KAZN: variants seen among roughly 807,000 people sequenced by gnomAD.
KAZN encodes kazrin.
In KAZN, 40 loss-of-function variants were observed where a neutral mutation model predicts 87.4. The observed-to-expected ratio is 0.46, with a 90% CI of 0.36 to 0.60. The LOEUF is 0.60. Among genes scored for constraint, KAZN ranks in the 20% least tolerant of loss-of-function variants. The pLI is 0.00. For missense variants in KAZN, 898 were observed against 1,073.9 expected (o/e 0.84, Z 2.29); for synonymous variants, 466 against 458.3 (o/e 1.02, Z -0.22).
chr1:14,049,461 T>C (rs1642217809), intron 1 of KAZN, among the ~76,000 whole-genome samples: 1 of 152,072 alleles, frequency 6.6e-6, no homozygotes, highest in Admixed American at 6.5e-5. Context: ...AAACTTAAAG[T>C]ATAATTAAAA....
At chr1:14,268,997 TA>T (rs1651713177) in intron 2 of KAZN, among the ~76,000 whole-genome samples, 1 of 152,228 alleles carries the variant, frequency 6.6e-6, no homozygotes, top group Non-Finnish European at 1.5e-5. Context: ...GAGTACAAAT[TA>T]CCAGATTTGC....
At chr1:14,700,334 T>C (rs1423258286) in intron 1 of KAZN, among the ~76,000 whole-genome samples, 1 of 152,036 alleles carries the variant, frequency 6.6e-6, no homozygotes, top group Non-Finnish European at 1.5e-5. Context: ...TAGTTGGCCA[T>C]GGTGGTGTGC....
intron 1 of KAZN, among the ~76,000 whole-genome samples, chr1:13,901,773 G>A (rs1207849249): frequency 6.6e-6 from 1 of 152,216 alleles, no homozygotes. Context: ...TGTTTGACAG[G>A]CATCTGAGTT....
chr1:14,777,180 T>C (rs1176456967), intron 1 of KAZN, among the ~76,000 whole-genome samples: 2 of 150,364 alleles, frequency 1.3e-5, no homozygotes, highest in African/African-American at 4.9e-5. Flanking sequence ...GTATTTTTAG[T>C]AGAGACGGGG....
At chr1:14,239,476 TTGAGGTGGAGTTTCACTCTTGTTGCCCAG>T (rs1648732352) in intron 2 of KAZN, among the ~76,000 whole-genome samples, 1 of 149,504 alleles carries the variant, frequency 6.7e-6, no homozygotes, top group African/African-American at 2.5e-5. Context: ...TTTTTTTTTT[TTGAGGTGGAGTTTCACTCTTGTTGCCCAG>T]GCTGGAGTGC....
intron 1 of KAZN, among the ~76,000 whole-genome samples, chr1:14,765,074 G>T (rs1455619132): frequency 2.6e-5 from 4 of 152,180 alleles, no homozygotes; most frequent in African/African-American, 4.8e-5. Context: ...CTCTCTCCAC[G>T]ATGCCGGGCT....
chr1:14,263,631 T>G (rs1651249802), intron 2 of KAZN, among the ~76,000 whole-genome samples: 1 of 151,638 alleles, frequency 6.6e-6, no homozygotes, highest in African/African-American at 2.4e-5. Context: ...GGAAAAAGTG[T>G]GGGAGCGGGG....
At chr1:13,906,524 G>A (rs980149045) in intron 1 of KAZN, among the ~76,000 whole-genome samples, 1 of 152,162 alleles carries the variant, frequency 6.6e-6, no homozygotes, top group African/African-American at 2.4e-5. Flanking sequence ...GGGCTGGACC[G>A]GCCCAGGTTT....
At chr1:15,000,511 G>C (rs1017166524) in intron 2 of KAZN, among the ~76,000 whole-genome samples, 42 of 151,812 alleles carry the variant, frequency 2.8e-4, no homozygotes, top group African/African-American at 1.0e-3. Flanking sequence ...GAGGCACCTC[G>C]GGGGGTACAG....
chr1:15,105,094 A>G (rs1246707349), intron 13 of KAZN, among the ~76,000 whole-genome samples: 2 of 152,266 alleles, frequency 1.3e-5, no homozygotes, highest in Admixed American at 6.5e-5. Context: ...CTGCATCTAT[A>G]TTTATAAGGG....
At chr1:14,165,062 CTA>C (rs1456496307) in intron 1 of KAZN, among the ~76,000 whole-genome samples, 1 of 151,382 alleles carries the variant, frequency 6.6e-6, no homozygotes, top group Non-Finnish European at 1.5e-5. Context: ...CTTAAATTTT[CTA>C]TCTCGATGAC....
intron 2 of KAZN, among the ~76,000 whole-genome samples, chr1:14,432,364 C>T (rs866869680): frequency 2.0e-5 from 3 of 152,032 alleles, no homozygotes; most frequent in African/African-American, 7.3e-5. Flanking sequence ...CAACAAGAAA[C>T]GTCAGTTTAA....
At chr1:15,003,109 G>A (rs1277750288) in intron 2 of KAZN, among the ~76,000 whole-genome samples, 4 of 152,010 alleles carry the variant, frequency 2.6e-5, no homozygotes, top group African/African-American at 9.7e-5. Flanking sequence ...AAGGCCCCAC[G>A]GCTGGGACGG....
At chr1:14,641,777 C>T (rs539654022) in intron 1 of KAZN, among the ~76,000 whole-genome samples, 1 of 152,316 alleles carries the variant, frequency 6.6e-6, no homozygotes, top group African/African-American at 2.4e-5. Context: ...TTGGACACGA[C>T]ACCAAAAGCA....
intron 1 of KAZN, among the ~76,000 whole-genome samples, chr1:14,864,434 C>A (rs1349236200): frequency 6.6e-6 from 1 of 152,012 alleles, no homozygotes; most frequent in Non-Finnish European, 1.5e-5. Flanking sequence ...GTGGGGTGGG[C>A]GCCTGTAATT....
At chr1:14,695,661 A>G (rs12078698) in intron 1 of KAZN, among the ~76,000 whole-genome samples, 3,430 of 151,844 alleles carry the variant, frequency 0.023, 146 homozygotes, top group African/African-American at 0.079. Context: ...GTGCACCACC[A>G]TGCCTAGCTA....
At chr1:14,309,566 T>G (rs1484022489) in intron 2 of KAZN, among the ~76,000 whole-genome samples, 1 of 152,130 alleles carries the variant, frequency 6.6e-6, no homozygotes, top group Non-Finnish European at 1.5e-5. Flanking sequence ...TAATTGATTT[T>G]TTTGTTTTCA....
chr1:14,972,852 A>T (rs1020468375), intron 2 of KAZN, among the ~76,000 whole-genome samples: 1 of 152,094 alleles, frequency 6.6e-6, no homozygotes, highest in Non-Finnish European at 1.5e-5. Context: ...GCTCGTGGTC[A>T]GTCAGCAAAG....
chr1:14,834,314 G>A (rs1029063233), intron 1 of KAZN, among the ~76,000 whole-genome samples: 2 of 149,902 alleles, frequency 1.3e-5, no homozygotes, highest in Non-Finnish European at 3.0e-5. Flanking sequence ...GGGATTACAG[G>A]TGTGAGCCAC....
Sources: gnomAD v4.1 joint callset for allele counts (sites outside exome capture counted in the v4.1 genomes callset) on GRCh38, gnomAD v4.1.1 for gene constraint, MANE v1.5 for transcripts, NCBI Gene and HGNC (gene_info 2026-07-23, HGNC 2026-07-21) for gene names.